TNFSF10: variants seen among roughly 807,000 people sequenced by gnomAD.
TNFSF10 encodes tumor necrosis factor ligand superfamily member 10.
A neutral mutation model predicts 29.5 loss-of-function variants in TNFSF10; 13 were observed. That is an observed-to-expected ratio of 0.44 (90% CI 0.29 to 0.70). The LOEUF is 0.70. Among genes scored for constraint, TNFSF10 ranks in the 30% least tolerant of loss-of-function variants. TNFSF10 has a pLI of 0.13. For missense variants in TNFSF10, 345 were observed against 330.9 expected (o/e 1.04, Z -0.33); for synonymous variants, 111 against 112.8 (o/e 0.98, Z 0.10).
chr3:172,513,824 G>A (rs1369378040), intron 2 of TNFSF10, among the ~76,000 whole-genome samples: 2 of 146,302 alleles, frequency 1.4e-5, no homozygotes, highest in East Asian at 2.0e-4. Context: ...TTTTCACATA[G>A]GCAGAAGCAA....
rs1244221804 is a variant in TNFSF10, at chr3:172,523,367, G to T, written c.18C>A (p.Val6=). The T allele has an allele frequency of 1.2e-6, 2 of 1,613,808 alleles. No individual in the cohort carries two copies. Among genetic ancestry groups the T allele is most frequent in the Admixed American group, 1.7e-5 (1 of 60,000 alleles). Residue 6 remains valine, a synonymous_variant, in exon 1 of 5, where the codon GTC becomes GTA. Coordinates refer to ENST00000241261, the MANE Select transcript of TNFSF10 (RefSeq NM_003810.4). MAMME[V]QGGPSLGQTC... Reference sequence around the variant, plus strand: ...TCTGTCCCAGGCTGGGTCCCCCCTGGACCTCCATCATAGCCATGATCCTGT... The same window carrying T: ...TCTGTCCCAGGCTGGGTCCCCCCTGTACCTCCATCATAGCCATGATCCTGT...
At chr3:172,507,701 G>T (rs546794999) in intron 4 of TNFSF10, among the ~76,000 whole-genome samples, 32 of 152,208 alleles carry the variant, frequency 2.1e-4, no homozygotes, top group African/African-American at 7.2e-4. Context: ...GGCAGAACAT[G>T]ACAATCATTT....
intron 1 of TNFSF10, chr3:172,522,339 AT>A (rs34112044): frequency 9.7e-7 from 1 of 1,027,494 alleles, no homozygotes; most frequent in Non-Finnish European, 1.5e-6. Flanking sequence ...TACATTACAG[AT>A]TTTTTCGACA....
chr3:172,515,620 C>G (rs961031223), intron 1 of TNFSF10, among the ~76,000 whole-genome samples: 1 of 152,120 alleles, frequency 6.6e-6, no homozygotes, highest in East Asian at 1.9e-4. Flanking sequence ...TTTACACTAA[C>G]TAGGGATTTA....
rs1553811912 is a variant in TNFSF10, at chr3:172,506,545, A to G, written c.793T>C (p.Leu265=). ...CTGGCTTCATGGTCCATGTCTATCA[A>G]GTGCTCATTTGTTACAGAAACAAAA... is the stretch of plus-strand genomic sequence containing the variant. ...RIFVSVTNEH[L]IDMDHEASFF... The change falls in exon 5 of 5, where the codon TTG becomes CTG. Residue 265 remains leucine (L), a synonymous_variant. Coordinates refer to ENST00000241261, the MANE Select transcript of TNFSF10 (RefSeq NM_003810.4). The G allele has an allele frequency of 3.7e-6, 6 of 1,614,064 alleles. No individual in the cohort carries two copies. Among genetic ancestry groups the G allele is most frequent in the South Asian group, 3.3e-5 (3 of 91,044 alleles).
At chr3:172,513,713 C>CT (rs1423692488) in intron 2 of TNFSF10, among the ~76,000 whole-genome samples, 1 of 152,204 alleles carries the variant, frequency 6.6e-6, no homozygotes, top group Non-Finnish European at 1.5e-5. Context: ...CATTCTCCTC[C>CT]TACCCTGGGA....
Position 172,506,528 on chromosome 3 carries a change from A to G in TNFSF10, c.810T>C (p.His270=). The G allele has an allele frequency of 1.9e-6, 3 of 1,609,448 alleles. No individual in the cohort carries two copies. Among genetic ancestry groups the G allele is most frequent in the Non-Finnish European group, 2.5e-6 (3 of 1,178,834 alleles). The change falls in exon 5 of 5, where the codon CAT becomes CAC. Residue 270 remains histidine, a synonymous_variant. Transcript: ENST00000241261. ...AAAAGGCCCCAAAAAAACTGGCTTC[A>G]TGGTCCATGTCTATCAAGTGCTCAT... is the stretch of plus-strand genomic sequence containing the variant. ...VTNEHLIDMD[H]EASFFGAFLV... is the part of the protein sequence containing the mutation.
At chr3:172,511,556 A>T in intron 3 of TNFSF10, 61 bp downstream of exon 3, 1 of 1,390,030 alleles carries the variant, frequency 7.2e-7, no homozygotes, top group Non-Finnish European at 1.0e-6. Flanking sequence ...ATGGAGAACT[A>T]TTCACAACCT....
intron 4 of TNFSF10, among the ~76,000 whole-genome samples, chr3:172,507,687 T>A (rs1713041539): frequency 6.6e-6 from 1 of 152,190 alleles, no homozygotes. Flanking sequence ...TCCCCTCACT[T>A]GTAGGCAGAA....
chr3:172,508,766 G>A (rs144813031), intron 4 of TNFSF10, among the ~76,000 whole-genome samples: 1,928 of 152,226 alleles, frequency 0.013, 47 homozygotes, highest in African/African-American at 0.044. Flanking sequence ...CTGCGTGCCT[G>A]TAATCCCAGC....
At chr3:172,511,254 C>T (rs2108445881) in intron 3 of TNFSF10, among the ~76,000 whole-genome samples, 1 of 152,252 alleles carries the variant, frequency 6.6e-6, no homozygotes, top group South Asian at 2.1e-4. Flanking sequence ...AGAAGGGTAA[C>T]TTTAAGGGAC....
intron 1 of TNFSF10, among the ~76,000 whole-genome samples, chr3:172,518,865 C>T (rs927235128): frequency 2.0e-5 from 3 of 152,134 alleles, no homozygotes; most frequent in Non-Finnish European, 4.4e-5. Context: ...AAAGTGACAC[C>T]TTCAGGAGAC....
intron 1 of TNFSF10, among the ~76,000 whole-genome samples, chr3:172,519,194 G>T (rs781219549): frequency 1.3e-5 from 2 of 152,184 alleles, no homozygotes; most frequent in Non-Finnish European, 2.9e-5. Flanking sequence ...TAGCTTTCTA[G>T]CACTCTCAAT....
At chr3:172,515,203 T>A (rs779855520) in intron 1 of TNFSF10, among the ~76,000 whole-genome samples, 10 of 151,574 alleles carry the variant, frequency 6.6e-5, no homozygotes, top group Non-Finnish European at 1.2e-4. Flanking sequence ...CTGGATATGG[T>A]GGAAAGGATG....
chr3:172,518,504 G>A, intron 1 of TNFSF10: 2 of 1,274,892 alleles, frequency 1.6e-6, no homozygotes, highest in Non-Finnish European at 2.0e-6. Flanking sequence ...GAGATCCGTG[G>A]AGAGGAAGCC....
chr3:172,517,525 C>T lies in TNFSF10; in HGVS notation c.133-2527G>A, dbSNP rs994549391. On this transcript the variant is annotated intron_variant, in intron 1 of 4. Transcript: ENST00000241261. ...CACTTTTCTAAAAGAAAAAAAAAAC[C>T]CTCCAAAAACTAAATAAGTAAATCA... is the stretch of plus-strand genomic sequence containing the variant. The T allele has an allele frequency of 7.6e-5, 75 of 984,898 alleles. No individual in the cohort carries two copies. The African/African-American group carries it at 1.2e-3, about 15-fold the overall frequency. 61.0% of individuals were successfully genotyped at this position (984,898 alleles called of 1,614,324 possible). A position where few individuals can be genotyped will look rare whatever the true frequency, so the allele number is the denominator to read the frequency against.
Position 172,506,428 on chromosome 3 carries a change from A to G in TNFSF10, c.*64T>C. 8 of 1,499,282 alleles carry G rather than the reference A, an allele frequency of 5.3e-6. No homozygotes were observed. The highest frequency in any genetic ancestry group is 6.3e-6 in the Non-Finnish European group (7 of 1,118,894). The allele number at this position is 1,499,282 out of a possible 1,614,324, so 92.9% of individuals were successfully genotyped here. A position where few individuals can be genotyped will look rare whatever the true frequency, so the allele number is the denominator to read the frequency against. On this transcript the variant is annotated 3_prime_UTR_variant, in exon 5 of 5. Transcript: ENST00000241261. ...TGGTCAGATTTTTTGAAACATCTTCATAGTGTATCATCCTGAAAACTGAAT... is the reference window on the plus strand; with the variant it reads ...TGGTCAGATTTTTTGAAACATCTTCGTAGTGTATCATCCTGAAAACTGAAT...
At chr3:172,521,145 A>C (rs974601240) in intron 1 of TNFSF10, among the ~76,000 whole-genome samples, 3 of 152,234 alleles carry the variant, frequency 2.0e-5, no homozygotes, top group African/African-American at 7.2e-5. Flanking sequence ...ATGGGCAAAG[A>C]CTTCATGACT....
Position 172,506,796 on chromosome 3 carries a change from A to C in TNFSF10, c.542T>G (p.Phe181Cys). The part of the protein sequence containing the change: ...NGELVIHEKG[F>C]YYIYSQTYFR... ...GTATGTTTGGGAATAGATGTAGTAA[A>C]ACCCTTTTTCATGGATGACCAGTTC... is the stretch of plus-strand genomic sequence containing the variant. The change falls in exon 5 of 5, where the codon TTT (phenylalanine) becomes TGT (cysteine). Residue 181 changes from phenylalanine to cysteine, a missense_variant. By Grantham distance (205) the Phe-to-Cys change is radical (BLOSUM62 -2). Coordinates refer to ENST00000241261, the MANE Select transcript of TNFSF10 (RefSeq NM_003810.4). The C allele has an allele frequency of 5.0e-6, 8 of 1,614,186 alleles. No homozygotes were observed. Among genetic ancestry groups the C allele is most frequent in the Non-Finnish European group, 6.8e-6 (8 of 1,180,034 alleles).
Sources: allele counts gnomAD v4.1 joint callset (sites outside exome capture counted in the v4.1 genomes callset), GRCh38; gene constraint gnomAD v4.1.1; transcripts MANE v1.5; gene names NCBI Gene and HGNC (gene_info 2026-07-23, HGNC 2026-07-21).